Variants in CCDC18 observed in about 807,000 individuals in gnomAD.
The protein encoded by CCDC18 is coiled-coil domain-containing protein 18.
In CCDC18, 157 loss-of-function variants were observed where a neutral mutation model predicts 196.0. That is an observed-to-expected ratio of 0.80 (90% CI 0.70 to 0.91). The LOEUF is 0.91. Ranked by LOEUF, CCDC18 falls within the 40% of genes least tolerant of loss-of-function variation. The pLI is 0.00. For synonymous variants in CCDC18, 482 were observed against 529.2 expected (o/e 0.91, Z 1.22); for missense variants, 1,465 against 1,611.6 (o/e 0.91, Z 1.56).
intron 10 of CCDC18, among the ~76,000 whole-genome samples, chr1:93,211,450 A>G (rs529979741): frequency 1.2e-4 from 18 of 152,312 alleles, no homozygotes; most frequent in African/African-American, 4.3e-4. Context: ...CCAAATAAAA[A>G]ATAAAACATT....
chr1:93,191,878 T>A (rs2101640332), intron 4 of CCDC18, 122 bp from the exon 5 acceptor site: 1 of 635,962 alleles, frequency 1.6e-6, no homozygotes, highest in East Asian at 2.7e-5. Flanking sequence ...ATGGGAAGCT[T>A]TATATCTGAC....
At chr1:93,258,928 AG>A in intron 26 of CCDC18, 43 bp downstream of exon 26, 1 of 1,531,680 alleles carries the variant, frequency 6.5e-7, no homozygotes, top group Non-Finnish European at 8.8e-7. Flanking sequence ...CCACTAAAGT[AG>A]GTTGACCTAT....
chr1:93,218,659 G>A (rs183851570), intron 14 of CCDC18, among the ~76,000 whole-genome samples: 9 of 152,142 alleles, frequency 5.9e-5, no homozygotes, highest in South Asian at 2.1e-4. Context: ...ACAGGTGCGC[G>A]CCACCAAGCC....
Position 93,221,971 on chromosome 1 carries a change from C to CTT in CCDC18, c.2175+48_2175+49dup, listed in dbSNP as rs113139948. 6,600 of 1,138,584 alleles carry CTT rather than the reference C, an allele frequency of 5.8e-3. 7 individuals carry two copies. Among genetic ancestry groups the CTT allele is most frequent in the East Asian group, 9.2e-3 (345 of 37,362 alleles). The allele number at this position is 1,138,584 out of a possible 1,614,324, so 70.5% of individuals were successfully genotyped here. ...CTAATACTTTATTTTTCTTTCTTTC[C>CTT]TTTTTTTTTTTTTTAACAGACAGAA... is the stretch of plus-strand genomic sequence containing the variant. On this transcript the variant is annotated intron_variant, in intron 16 of 28. Transcript: ENST00000690025.
chr1:93,209,250 G>T lies in CCDC18; in HGVS notation c.1210-1552G>T, dbSNP rs555913468. 4.6e-5 allele frequency among the ~76,000 whole-genome samples: 7 copies of T among 152,318 alleles called. No homozygotes were observed. The South Asian group carries it at 1.4e-3, about 32-fold the overall frequency. The stretch of plus-strand genomic sequence containing the variant: ...TGGGATTACAGGCATGAGCCACCAC[G>T]CCTGGCCTAAAATGTTTTTATAATA... On this transcript the variant is annotated intron_variant, in intron 9 of 28. Coordinates refer to ENST00000690025, the MANE Select transcript of CCDC18 (RefSeq NM_001378204.1).
At chr1:93,232,098 C>T (rs1659325767) in intron 17 of CCDC18, among the ~76,000 whole-genome samples, 1 of 152,156 alleles carries the variant, frequency 6.6e-6, no homozygotes, top group Non-Finnish European at 1.5e-5. Context: ...GAACAATGAC[C>T]AGCCTACAAG....
intron 21 of CCDC18, among the ~76,000 whole-genome samples, chr1:93,243,432 A>G (rs1438700358): frequency 6.6e-6 from 1 of 152,174 alleles, no homozygotes; most frequent in Non-Finnish European, 1.5e-5. Context: ...GATCCCACCC[A>G]TGAAACCATT....
chr1:93,203,842 A>G (rs987628676), intron 7 of CCDC18, among the ~76,000 whole-genome samples: 6 of 151,070 alleles, frequency 4.0e-5, no homozygotes, highest in Admixed American at 4.0e-4. Context: ...AAAAAATCAG[A>G]AAAAAAAAAT....
At position 93,239,368 on chromosome 1, in the gene CCDC18, A is replaced by T; in HGVS notation, c.2662A>T (p.Ile888Leu). Residue 888 changes from isoleucine to leucine, a missense_variant, in exon 20 of 29, where the codon ATA (isoleucine) becomes TTA (leucine). Transcript: ENST00000690025. ...KEELSKMEKE[I>L]MHLKRDGENK... ...AGAGCTGTCTAAAATGGAAAAGGAA[A>T]TAATGCACCTAAAACGAGATGGAGA... is the stretch of plus-strand genomic sequence containing the variant. 1 of 1,613,468 alleles carries T rather than the reference A, an allele frequency of 6.2e-7. No individual in the cohort carries two copies. The highest frequency in any genetic ancestry group is 8.5e-7 in the Non-Finnish European group (1 of 1,179,586).
At chr1:93,182,569 T>C (rs978627008) in intron 1 of CCDC18, among the ~76,000 whole-genome samples, 4 of 152,232 alleles carry the variant, frequency 2.6e-5, no homozygotes, top group Non-Finnish European at 4.4e-5. Context: ...TAGTTTTTTA[T>C]TGTATTAATT....
intron 26 of CCDC18, among the ~76,000 whole-genome samples, chr1:93,263,745 G>A (rs563678402): frequency 6.6e-6 from 1 of 152,222 alleles, no homozygotes; most frequent in South Asian, 2.1e-4. Flanking sequence ...CAGTTCCAAA[G>A]TCACTTCCAC....
At chr1:93,249,356 T>C (rs1325493163) in intron 23 of CCDC18, among the ~76,000 whole-genome samples, 1 of 152,202 alleles carries the variant, frequency 6.6e-6, no homozygotes, top group African/African-American at 2.4e-5. Context: ...TCTCTCTTCT[T>C]AGTCATCTAA....
chr1:93,269,193 G>A (rs536078851), intron 27 of CCDC18, among the ~76,000 whole-genome samples: 20 of 147,590 alleles, frequency 1.4e-4, no homozygotes, highest in Non-Finnish European at 2.4e-4. Context: ...ACCAAACACC[G>A]CATGTTCTCA....
At chr1:93,212,834 T>C (rs1655877313) in intron 11 of CCDC18, among the ~76,000 whole-genome samples, 1 of 152,200 alleles carries the variant, frequency 6.6e-6, no homozygotes, top group African/African-American at 2.4e-5. Context: ...ATGACATTTA[T>C]TGTGCAATTT....
In CCDC18 at chr1:93,210,782, G is replaced by T; in HGVS notation, c.1210-20G>T. On this transcript the variant is annotated intron_variant, in intron 9 of 28. Coordinates refer to ENST00000690025, the MANE Select transcript of CCDC18 (RefSeq NM_001378204.1). ...ATCTCATTTACATAAGTTTACATAT[G>T]TTTGTTTTTAAACTTGCAGTTAAAA... 1.3e-6 allele frequency: 2 copies of T among 1,558,584 alleles called. No homozygotes were observed. The highest frequency in any genetic ancestry group is 1.8e-6 in the Non-Finnish European group (2 of 1,133,992).
Position 93,221,754 on chromosome 1 carries a change from C to A in CCDC18, c.2097+11C>A. On this transcript the variant is annotated intron_variant, in intron 15 of 28. Transcript: ENST00000690025. ...ACGGAAAGCAAAGGGGTAAAATCAT[C>A]CTTATAAAAGTGCTATTTAGAAGTT... 6.3e-7 allele frequency: 1 copy of A among 1,596,000 alleles called. No individual in the cohort carries two copies. Among genetic ancestry groups the A allele is most frequent in the Non-Finnish European group, 8.5e-7 (1 of 1,175,210 alleles).
rs1179955802 is a variant in CCDC18, at chr1:93,226,444, G to GGGCCGGGCGCGGTGGCTCACGCCTGT, written c.2287_2288insGGCCGGGCGCGGTGGCTCACGCCTGT (p.Glu763GlyfsTer19). ...TGAAAAACAGTTAAAGAAGAAATCT[G>GGGCCGGGCGCGGTGGCTCACGCCTGT]AAGAGGTAAATTAACATTTACTTTA... On this transcript the variant is annotated frameshift_variant, in exon 17 of 29. Transcript: ENST00000690025. LOFTEE classifies it high-confidence loss of function. The GGGCCGGGCGCGGTGGCTCACGCCTGT allele has an allele frequency of 2.9e-6, 4 of 1,400,224 alleles. No individual in the cohort carries two copies. The highest frequency in any genetic ancestry group is 4.0e-6 in the Non-Finnish European group (4 of 990,972). The allele number at this position is 1,400,224 out of a possible 1,614,324, so 86.7% of individuals were successfully genotyped here.
intron 4 of CCDC18, among the ~76,000 whole-genome samples, chr1:93,189,475 G>A (rs1651335522): frequency 6.6e-6 from 1 of 152,058 alleles, no homozygotes; most frequent in South Asian, 2.1e-4. Context: ...CCTTTCTTTT[G>A]GGTATATGCC....
chr1:93,205,452 C>T lies in CCDC18; in HGVS notation c.796-58C>T, dbSNP rs1654563525. 2.0e-6 allele frequency: 3 copies of T among 1,463,996 alleles called. No individual in the cohort carries two copies. In the South Asian group the frequency reaches 3.9e-5, roughly 19 times the overall value. The allele number at this position is 1,463,996 out of a possible 1,614,324, so 90.7% of individuals were successfully genotyped here. A position where few individuals can be genotyped will look rare whatever the true frequency, so the allele number is the denominator to read the frequency against. The stretch of plus-strand genomic sequence containing the variant: ...CTGAAATCACTACTGACATTTTTAG[C>T]TTGAAACACCTAAAACTTACAACCA... On this transcript the variant is annotated intron_variant, in intron 7 of 28. Transcript: ENST00000690025.
Sources: gnomAD v4.1 joint callset for allele counts (sites outside exome capture counted in the v4.1 genomes callset) on GRCh38, gnomAD v4.1.1 for gene constraint, MANE v1.5 for transcripts, NCBI Gene and HGNC (gene_info 2026-07-23, HGNC 2026-07-21) for gene names.